UTP18: variants seen among roughly 807,000 people sequenced by gnomAD.
UTP18 encodes UTP18 small subunit processome component, also known as U3 small nucleolar RNA-associated protein 18 homolog.
UTP18 carries 36 observed loss-of-function variants against 61.1 expected under a neutral mutation model. That is an observed-to-expected ratio of 0.59 (90% CI 0.45 to 0.78). The LOEUF (loss-of-function observed/expected upper bound fraction) is 0.78, where lower values mean the gene tolerates loss of function less well. Among genes scored for constraint, UTP18 ranks in the 30% least tolerant of loss-of-function variants. The probability of loss-of-function intolerance (pLI) is 0.00; values close to 1 mark genes in which losing one functional copy is unlikely to be tolerated. For missense variants in UTP18, 753 were observed against 693.9 expected, an observed-to-expected ratio of 1.09 and a Z score of -0.96; for synonymous variants, 282 against 251.1, an observed-to-expected ratio of 1.12 and a Z score of -1.16.
At chr17:51,288,800 C>T (rs1297032209) in intron 11 of UTP18, among the ~76,000 whole-genome samples, 1 of 152,122 alleles carries the variant, frequency 6.6e-6, no homozygotes, top group African/African-American at 2.4e-5. Flanking sequence ...GCAAAATCAG[C>T]AAAGGGAAAG....
intron 10 of UTP18, among the ~76,000 whole-genome samples, chr17:51,287,302 A>G (rs1371880092): frequency 1.3e-5 from 2 of 152,260 alleles, no homozygotes; most frequent in African/African-American, 4.8e-5. Flanking sequence ...TTATTCTTAA[A>G]GAATCTTAAG....
In UTP18 at chr17:51,276,214, TGTC is replaced by T. The variant is rs762630674; in HGVS notation, c.837+227_837+229del. On this transcript the variant is annotated intron_variant, in intron 6 of 13. Transcript: ENST00000225298. ...TGCCCTTGCTTCTTGCTCCAAAGTCTGTCGTCACTGTTTTCAATCACAGCTGCT... is the reference window on the plus strand; with the variant it reads ...TGCCCTTGCTTCTTGCTCCAAAGTCTGTCACTGTTTTCAATCACAGCTGCT... 1.1e-4 allele frequency among the ~76,000 whole-genome samples: 17 copies of T among 152,306 alleles called. No homozygotes were observed. The South Asian group carries it at 2.7e-3, about 24-fold the overall frequency.
At position 51,273,566 on chromosome 17, in the gene UTP18, G is replaced by A. The variant is rs1043202327; in HGVS notation, c.711+116G>A. 4.5e-6 allele frequency: 3 copies of A among 661,754 alleles called. No homozygotes were observed. The African/African-American group carries it at 5.6e-5, about 12-fold the overall frequency. The allele number at this position is 661,754 out of a possible 1,614,324, so 41.0% of individuals were successfully genotyped here. On this transcript the variant is annotated intron_variant, in intron 5 of 13. Coordinates refer to ENST00000225298, the MANE Select transcript of UTP18 (RefSeq NM_016001.3). ...ATCTGTGGGGTTAAATATGTTTGCT[G>A]TCATTTTGCCCTGGTAAATACTTAT...
At chr17:51,296,610 C>A (rs942468418) in intron 12 of UTP18, 2 of 182,346 alleles carry the variant, frequency 1.1e-5, no homozygotes, top group Non-Finnish European at 2.3e-5. Context: ...TTCTCTAAGA[C>A]CCAAAGGCCA....
chr17:51,261,351 C>T (rs1356276480), intron 1 of UTP18, among the ~76,000 whole-genome samples: 2 of 152,206 alleles, frequency 1.3e-5, no homozygotes, highest in African/African-American at 4.8e-5. Flanking sequence ...GTAACTATGT[C>T]CCCATGTGAC....
rs1351736125 is a variant in UTP18, at chr17:51,275,882, A to G, written c.728A>G (p.His243Arg). The change falls in exon 6 of 14, where the codon CAT becomes CGT. Residue 243 changes from histidine (H) to arginine (R), a missense_variant. Transcript: ENST00000225298. ...TTCCTATAGATGAAGAACTGCCAGC[A>G]TGCGAATGCTGAACGTCCTACTGTT... is the stretch of plus-strand genomic sequence containing the variant. ...RGILKMKNCQ[H>R]ANAERPTVAR... The G allele has an allele frequency of 6.2e-7, 1 of 1,603,714 alleles. No individual in the cohort carries two copies. The highest frequency in any genetic ancestry group is 1.1e-5 in the South Asian group (1 of 88,504).
At chr17:51,283,121 G>A (rs1323783495) in intron 9 of UTP18, among the ~76,000 whole-genome samples, 2 of 150,750 alleles carry the variant, frequency 1.3e-5, no homozygotes, top group Non-Finnish European at 3.0e-5. Context: ...CACCTGCCTC[G>A]GCCTCCCAAA....
At chr17:51,283,654 C>G (rs1361380246) in intron 9 of UTP18, among the ~76,000 whole-genome samples, 1 of 146,666 alleles carries the variant, frequency 6.8e-6, no homozygotes, top group South Asian at 2.2e-4. Flanking sequence ...TGCTCTGTCT[C>G]CTAGGTTGGA....
intron 11 of UTP18, among the ~76,000 whole-genome samples, chr17:51,292,234 C>T (rs1567707431): frequency 6.6e-6 from 1 of 152,256 alleles, no homozygotes; most frequent in African/African-American, 2.4e-5. Flanking sequence ...CTCGAGGAAC[C>T]TGTATAGAGA....
chr17:51,276,789 TCTTATCTC>T (rs1222548074), intron 6 of UTP18, among the ~76,000 whole-genome samples: 2 of 152,244 alleles, frequency 1.3e-5, no homozygotes, highest in African/African-American at 4.8e-5. Context: ...TGGGACTGAC[TCTTATCTC>T]CTTATCTGTG....
At chr17:51,270,543 T>C (rs1207780298) in intron 4 of UTP18, among the ~76,000 whole-genome samples, 1 of 152,158 alleles carries the variant, frequency 6.6e-6, no homozygotes, top group Non-Finnish European at 1.5e-5. Flanking sequence ...TGAAGTTGGT[T>C]TTTTCAGCAC....
chr17:51,265,587 A>G (rs2055552859), intron 2 of UTP18, among the ~76,000 whole-genome samples: 2 of 71,780 alleles, frequency 2.8e-5, no homozygotes, highest in African/African-American at 7.4e-5. Flanking sequence ...TTTTTTTGAG[A>G]CAGTCTCACT....
chr17:51,291,345 C>CA (rs1905234158), intron 11 of UTP18, among the ~76,000 whole-genome samples: 1 of 152,176 alleles, frequency 6.6e-6, no homozygotes, highest in Non-Finnish European at 1.5e-5. Flanking sequence ...TGAGAGATTA[C>CA]ACTGGGGAAT....
chr17:51,295,054 T>C (rs1277241242), intron 12 of UTP18, among the ~76,000 whole-genome samples: 1 of 151,936 alleles, frequency 6.6e-6, no homozygotes, highest in Non-Finnish European at 1.5e-5. Context: ...GGGGTTGTTT[T>C]TTTCTTGTAA....
At chr17:51,263,419 T>C in intron 2 of UTP18, 33 bp downstream of exon 2, 2 of 1,479,902 alleles carry the variant, frequency 1.4e-6, no homozygotes, top group Non-Finnish European at 1.9e-6. Flanking sequence ...TGAATCCCTC[T>C]GTACACTTAA....
chr17:51,265,717 C>T (rs572420353), intron 2 of UTP18, among the ~76,000 whole-genome samples: 183 of 151,916 alleles, frequency 1.2e-3, no homozygotes, highest in African/African-American at 4.3e-3. Flanking sequence ...GTGTGTGCCA[C>T]CCCGCCCAGC....
intron 5 of UTP18, among the ~76,000 whole-genome samples, chr17:51,275,461 T>C (rs1904685626): frequency 6.6e-6 from 1 of 152,168 alleles, no homozygotes; most frequent in South Asian, 2.1e-4. Flanking sequence ...ATTTGTGCCA[T>C]GAATGCAAAG....
chr17:51,269,313 A>C (rs1162702903), intron 4 of UTP18, among the ~76,000 whole-genome samples: 5 of 150,686 alleles, frequency 3.3e-5, no homozygotes, highest in South Asian at 2.1e-4. Flanking sequence ...AAAAAAAAAA[A>C]AAAAAAAAAA....
chr17:51,273,020 A>C (rs1357333647), intron 4 of UTP18, among the ~76,000 whole-genome samples: 1 of 152,224 alleles, frequency 6.6e-6, no homozygotes, highest in Admixed American at 6.5e-5. Flanking sequence ...TTTTGCCATA[A>C]TTATGAGTTG....
Sources: allele counts gnomAD v4.1 joint callset (sites outside exome capture counted in the v4.1 genomes callset), GRCh38; gene constraint gnomAD v4.1.1; transcripts MANE v1.5; gene names NCBI Gene and HGNC (gene_info 2026-07-23, HGNC 2026-07-21).